Variants in RGS3 observed in about 807,000 individuals in gnomAD.
RGS3 encodes the protein regulator of G protein signaling 3.
A neutral mutation model predicts 132.6 loss-of-function variants in RGS3; 80 were observed. The ratio of observed to expected loss-of-function variants is 0.60; its 90% CI spans 0.50 to 0.73. The LOEUF is 0.73. Ranked by LOEUF, RGS3 falls within the 30% of genes least tolerant of loss-of-function variation. The pLI, the probability that RGS3 is intolerant of heterozygous loss-of-function variation, is 0.00. For missense variants in RGS3, 1,382 were observed against 1,530.8 expected, an observed-to-expected ratio of 0.90 and a Z score of 1.62; for synonymous variants, 598 against 620.6, an observed-to-expected ratio of 0.96 and a Z score of 0.54.
At chr9:113,462,642 G>C (rs1829502895) in intron 3 of RGS3, among the ~76,000 whole-genome samples, 1 of 152,162 alleles carries the variant, frequency 6.6e-6, no homozygotes, top group Non-Finnish European at 1.5e-5. Flanking sequence ...TTTCTTCCTG[G>C]TAAATTGGGG....
intron 1 of RGS3, among the ~76,000 whole-genome samples, chr9:113,454,093 T>C (rs1029838804): frequency 2.6e-5 from 4 of 152,062 alleles, no homozygotes; most frequent in African/African-American, 9.7e-5. Flanking sequence ...GGATTACAGG[T>C]GTGAGCCACC....
rs200977038 is a variant in RGS3 at position 113,596,826 on chromosome 9, G to A, written c.3470G>A (p.Arg1157Gln). 1.0e-4 allele frequency: 162 copies of A among 1,613,608 alleles called. No homozygotes were observed. The highest frequency in any genetic ancestry group is 5.5e-4 in the South Asian group (50 of 91,092). ...AAGGACAACCTGCAGAGCGTCACGCGGGGCTGCTTCGACCTGGCACAGAAG... is the reference window on the plus strand; with the variant it reads ...AAGGACAACCTGCAGAGCGTCACGCAGGGCTGCTTCGACCTGGCACAGAAG... The change falls in exon 25 of 25, where the codon CGG (arginine) becomes CAG (glutamine). Residue 1157 changes from arginine (R) to glutamine (Q), a missense_variant. By Grantham distance (43) the Arg-to-Gln change is conservative (BLOSUM62 1). Coordinates refer to ENST00000350696, the Ensembl canonical transcript of RGS3.
intron 19 of RGS3, among the ~76,000 whole-genome samples, chr9:113,568,788 C>G (rs1834123768): frequency 6.6e-6 from 1 of 152,242 alleles, no homozygotes; most frequent in South Asian, 2.1e-4. Flanking sequence ...GAAGCTGGAG[C>G]CACTCACAGC....
intron 17 of RGS3, among the ~76,000 whole-genome samples, chr9:113,528,350 G>A (rs1832310886): frequency 6.6e-6 from 1 of 152,186 alleles, no homozygotes; most frequent in African/African-American, 2.4e-5. Context: ...GGCAGGGCAG[G>A]TGTCCTGGAG....
chr9:113,566,348 T>C (rs1588261056), intron 19 of RGS3, among the ~76,000 whole-genome samples: 1 of 151,608 alleles, frequency 6.6e-6, no homozygotes, highest in Non-Finnish European at 1.5e-5. Context: ...AGGCAGGGGG[T>C]GGTGGTAGAG....
intron 19 of RGS3, among the ~76,000 whole-genome samples, chr9:113,539,341 G>A (rs565244697): frequency 2.7e-4 from 41 of 152,268 alleles, no homozygotes; most frequent in African/African-American, 9.9e-4. Context: ...ATGGAGTGTC[G>A]CTCTGTCACC....
intron 1 of RGS3, among the ~76,000 whole-genome samples, chr9:113,447,323 G>GTGTATATATATATATATA (rs1829126189): frequency 3.4e-5 from 1 of 29,410 alleles, no homozygotes; most frequent in Non-Finnish European, 6.8e-5. Context: ...TCTGATGTAT[G>GTGTATATATATATATATA]TATATGTATA....
intron 7 of RGS3, among the ~76,000 whole-genome samples, chr9:113,488,591 G>A (rs1266050078): frequency 1.3e-5 from 2 of 152,168 alleles, no homozygotes; most frequent in African/African-American, 2.4e-5. Flanking sequence ...AGAAGGAGCC[G>A]GTCATGCCCT....
intron 20 of RGS3, among the ~76,000 whole-genome samples, chr9:113,587,548 C>T (rs973850540): frequency 1.9e-4 from 29 of 152,188 alleles, no homozygotes; most frequent in African/African-American, 7.0e-4. Context: ...GGTTCCAGGG[C>T]GCAGTACGTA....
At chr9:113,550,483 A>G (rs1333012364) in intron 19 of RGS3, among the ~76,000 whole-genome samples, 2 of 152,228 alleles carry the variant, frequency 1.3e-5, no homozygotes, top group African/African-American at 2.4e-5. Context: ...TATTGATCCT[A>G]TTGCCAAATT....
intron 19 of RGS3, among the ~76,000 whole-genome samples, chr9:113,572,144 A>T (rs1011298789): frequency 1.1e-4 from 17 of 152,052 alleles, no homozygotes; most frequent in African/African-American, 4.1e-4. Context: ...GAGGGAAAAG[A>T]GGAGAAACGG....
intron 19 of RGS3, among the ~76,000 whole-genome samples, chr9:113,578,097 C>T (rs1188835771): frequency 2.0e-5 from 3 of 152,142 alleles, no homozygotes; most frequent in South Asian, 2.1e-4. Flanking sequence ...GTGCAGATAG[C>T]GATTGTGGCC....
chr9:113,468,958 G>A (rs1829735726), intron 3 of RGS3, among the ~76,000 whole-genome samples: 1 of 151,956 alleles, frequency 6.6e-6, no homozygotes, highest in Non-Finnish European at 1.5e-5. Flanking sequence ...GGACTGCCTG[G>A]AGTCACTGAT....
At position 113,463,580 on chromosome 9, in the gene RGS3, C is replaced by T. The variant is rs1829525504; in HGVS notation, c.415+1379C>T. On this transcript the variant is annotated intron_variant, in intron 3 of 24. Coordinates refer to ENST00000350696, the Ensembl canonical transcript of RGS3. This position sits in a 1 kb window ranked among gnomAD's most constrained non-coding sequence, Gnocchi z 4.6. Reference sequence around the variant, plus strand: ...GTCGCTGCTCAGCGCGGGTCGGCGGCGCCGCCTCCCCCACCCCGGCCCAGC... The same window carrying T: ...GTCGCTGCTCAGCGCGGGTCGGCGGTGCCGCCTCCCCCACCCCGGCCCAGC... 3.1e-6 allele frequency: 2 copies of T among 650,788 alleles called. No homozygotes were observed. Among genetic ancestry groups the T allele is most frequent in the African/African-American group, 2.0e-5 (1 of 49,556 alleles). The allele number at this position is 650,788 out of a possible 1,614,324, so 40.3% of individuals were successfully genotyped here. A position where few individuals can be genotyped will look rare whatever the true frequency, so the allele number is the denominator to read the frequency against.
chr9:113,554,236 T>A (rs76407923), intron 19 of RGS3, among the ~76,000 whole-genome samples: 1 of 152,240 alleles, frequency 6.6e-6, no homozygotes, highest in African/African-American at 2.4e-5. Flanking sequence ...TAATTCTTTG[T>A]TGGTACAAGA....
Position 113,543,254 on chromosome 9 carries a change from A to G in RGS3, c.2037+6336A>G, listed in dbSNP as rs547470331. On this transcript the variant is annotated intron_variant, in intron 19 of 24. Transcript: ENST00000350696. ...GTAAGACCTCGGCATCTTTAGAGAA[A>G]GGTTCTTGTGCCCCTGTGAGCTTGC... 3.3e-5 allele frequency among the ~76,000 whole-genome samples: 5 copies of G among 152,218 alleles called. No homozygotes were observed. The South Asian group carries it at 8.3e-4, about 25-fold the overall frequency.
At chr9:113,525,372 C>T (rs1443869685) in intron 17 of RGS3, among the ~76,000 whole-genome samples, 1 of 152,096 alleles carries the variant, frequency 6.6e-6, no homozygotes, top group Non-Finnish European at 1.5e-5. Context: ...TTTAGTGACC[C>T]CTTCTCCTGC....
intron 19 of RGS3, among the ~76,000 whole-genome samples, chr9:113,564,212 C>A (rs927896966): frequency 6.6e-6 from 1 of 152,224 alleles, no homozygotes; most frequent in African/African-American, 2.4e-5. Context: ...CCTGGCTATA[C>A]AGACAACTGG....
In RGS3 at chr9:113,501,493, A is replaced by C. The variant is rs1830889576; in HGVS notation, c.897+3413A>C. The C allele has an allele frequency of 9.2e-6, 14 of 1,516,674 alleles. No individual in the cohort carries two copies. The South Asian group carries it at 1.6e-4, about 17-fold the overall frequency. 94.0% of individuals were successfully genotyped at this position (1,516,674 alleles called of 1,614,324 possible). On this transcript the variant is annotated intron_variant, in intron 10 of 24. Transcript: ENST00000350696. Reference sequence around the variant, plus strand: ...GCGGGCTTCCCAGGGTGCTCATGCCAGGCTGACGGGTCCAGTGCGGGCTCC... The same window carrying C: ...GCGGGCTTCCCAGGGTGCTCATGCCCGGCTGACGGGTCCAGTGCGGGCTCC...
Sources: allele counts gnomAD v4.1 joint callset (sites outside exome capture counted in the v4.1 genomes callset), GRCh38; gene constraint gnomAD v4.1.1; non-coding constraint Gnocchi (gnomAD v3.1); transcripts MANE v1.5; gene names NCBI Gene and HGNC (gene_info 2026-07-23, HGNC 2026-07-21).